Variants in SNX1 observed in about 807,000 individuals in gnomAD.
SNX1 encodes sorting nexin 1.
In SNX1, 36 loss-of-function variants were observed where a neutral mutation model predicts 71.8. The ratio of observed to expected loss-of-function variants is 0.50; its 90% CI spans 0.38 to 0.66. The LOEUF is 0.66. Among genes scored for constraint, SNX1 ranks in the 30% least tolerant of loss-of-function variants. The pLI is 0.00. For missense variants in SNX1, 612 were observed against 646.7 expected (o/e 0.95, Z 0.58); for synonymous variants, 254 against 240.7 (o/e 1.06, Z -0.51).
chr15:64,117,660 T>C (rs575086303), intron 2 of SNX1, among the ~76,000 whole-genome samples: 1 of 152,154 alleles, frequency 6.6e-6, no homozygotes, highest in African/African-American at 2.4e-5. Flanking sequence ...GCTGTGGTGG[T>C]ATGCACCTGT....
chr15:64,110,724 G>A (rs991171733), intron 1 of SNX1, among the ~76,000 whole-genome samples: 6 of 152,162 alleles, frequency 3.9e-5, no homozygotes, highest in Non-Finnish European at 7.4e-5. Flanking sequence ...TTTGAAAAAA[G>A]TTAGGTGGAG....
Position 64,124,537 on chromosome 15 carries a change from T to G in SNX1, c.510+991T>G, listed in dbSNP as rs2081230845. On this transcript the variant is annotated intron_variant, in intron 5 of 14. Transcript: ENST00000559844. ...AAAAAAAAAAAAAATAGTATCATGC[T>G]GATAATTGTGCTTGCTTTATTTAGC... 2.0e-5 allele frequency among the ~76,000 whole-genome samples: 3 copies of G among 151,754 alleles called. 1 individual carries two copies. In the South Asian group the frequency reaches 6.2e-4, roughly 32 times the overall value.
At chr15:64,098,462 G>A (rs544008736) in intron 1 of SNX1, among the ~76,000 whole-genome samples, 28 of 152,328 alleles carry the variant, frequency 1.8e-4, no homozygotes, top group Admixed American at 1.8e-3. Context: ...GGGAGGCCAA[G>A]GCAAGAGGAT....
chr15:64,123,088 T>G (rs1217644868), intron 4 of SNX1, among the ~76,000 whole-genome samples: 2 of 152,192 alleles, frequency 1.3e-5, no homozygotes, highest in African/African-American at 4.8e-5. Context: ...TCCTTTTATA[T>G]CAGTTGCTTC....
intron 2 of SNX1, among the ~76,000 whole-genome samples, chr15:64,115,012 A>T (rs2081114346): frequency 6.6e-6 from 1 of 152,168 alleles, no homozygotes; most frequent in Admixed American, 6.5e-5. Context: ...AGGAGAAGTG[A>T]TATGAAGGCA....
At chr15:64,116,452 C>G (rs886955716) in intron 2 of SNX1, among the ~76,000 whole-genome samples, 4 of 152,202 alleles carry the variant, frequency 2.6e-5, no homozygotes, top group African/African-American at 9.6e-5. Context: ...TACCACCTTT[C>G]TCACTTTCCT....
intron 1 of SNX1, among the ~76,000 whole-genome samples, chr15:64,112,353 A>T (rs2081085461): frequency 6.6e-6 from 1 of 152,222 alleles, no homozygotes; most frequent in Non-Finnish European, 1.5e-5. Flanking sequence ...GGGGTAGGGC[A>T]TTTGAGCGAG....
At chr15:64,123,032 AAG>A (rs542358270) in intron 4 of SNX1, among the ~76,000 whole-genome samples, 4 of 152,230 alleles carry the variant, frequency 2.6e-5, no homozygotes, top group Admixed American at 6.5e-5. Flanking sequence ...ATATTTCTGA[AAG>A]AGCAAATCGA....
rs992519384 is a variant in SNX1, at chr15:64,118,261, T to C, written c.399+17T>C. 3.1e-6 allele frequency: 5 copies of C among 1,603,298 alleles called. No individual in the cohort carries two copies. The African/African-American group carries it at 6.8e-5, about 22-fold the overall frequency. On this transcript the variant is annotated intron_variant, in intron 3 of 14. Coordinates refer to ENST00000559844, the MANE Select transcript of SNX1 (RefSeq NM_003099.5). Reference sequence around the variant, plus strand: ...TATGAGGAGGTGAGGATCTGTGCTCTTGGTCTTATCGCTTTTAGATATTGA... The same window carrying C: ...TATGAGGAGGTGAGGATCTGTGCTCCTGGTCTTATCGCTTTTAGATATTGA...
At chr15:64,107,965 G>A (rs528663938) in intron 1 of SNX1, among the ~76,000 whole-genome samples, 53 of 152,220 alleles carry the variant, frequency 3.5e-4, no homozygotes, top group African/African-American at 1.2e-3. Context: ...AAGCCGAGGT[G>A]GGTAGATCAG....
chr15:64,121,939 G>T (rs1418009325), intron 4 of SNX1, among the ~76,000 whole-genome samples: 1 of 152,100 alleles, frequency 6.6e-6, no homozygotes, highest in Non-Finnish European at 1.5e-5. Context: ...GCTTTTTAGA[G>T]CCTTGGTAAT....
intron 1 of SNX1, among the ~76,000 whole-genome samples, chr15:64,105,888 A>T (rs1309139469): frequency 6.6e-6 from 1 of 152,170 alleles, no homozygotes; most frequent in Non-Finnish European, 1.5e-5. Flanking sequence ...TGTATCTCAG[A>T]AGTTCTTTAC....
chr15:64,116,521 C>T (rs1371844773), intron 2 of SNX1, among the ~76,000 whole-genome samples: 3 of 152,166 alleles, frequency 2.0e-5, no homozygotes, highest in Admixed American at 6.5e-5. Flanking sequence ...ACTTGATTCA[C>T]ATTTAGTGAT....
intron 13 of SNX1, 113 bp downstream of exon 13, chr15:64,136,523 C>A: frequency 1.1e-6 from 1 of 924,690 alleles, no homozygotes; most frequent in Non-Finnish European, 1.8e-6. Context: ...CTTGGCAGTT[C>A]TCGTGAGCAG....
intron 4 of SNX1, among the ~76,000 whole-genome samples, chr15:64,119,753 CAA>C (rs1433877510): frequency 4.0e-5 from 6 of 149,486 alleles, no homozygotes; most frequent in African/African-American, 4.9e-5. Flanking sequence ...CACACACACA[CAA>C]AAAACATTAT....
In SNX1 at chr15:64,118,159, A is replaced by G; in HGVS notation, c.314A>G (p.Gln105Arg). The change falls in exon 3 of 15, where the codon CAG becomes CGG. Residue 105 changes from glutamine (Q) to arginine (R), a missense_variant. Gln to Arg is a conservative substitution (Grantham distance 43). Around this residue, in one of 2 missense-constraint regions of SNX1, gnomAD observed 316 missense variants for 284.9 expected, o/e 1.11. Coordinates refer to ENST00000559844, the MANE Select transcript of SNX1 (RefSeq NM_003099.5). ...ELSLDSTQNN[Q>R]KKVLAKTLIS... ...TCCTTGGACAGCACACAAAATAATC[A>G]GAAGAAGGTGCTAGCCAAAACACTC... 3 of 1,612,104 alleles carry G rather than the reference A, an allele frequency of 1.9e-6. No individual in the cohort carries two copies. The highest frequency in any genetic ancestry group is 1.7e-6 in the Non-Finnish European group (2 of 1,179,548).
chr15:64,100,932 G>A (rs550041718), intron 1 of SNX1, among the ~76,000 whole-genome samples: 2 of 152,236 alleles, frequency 1.3e-5, no homozygotes, highest in South Asian at 4.1e-4. Context: ...AGCCTCCTGC[G>A]TAGCATGTGC....
chr15:64,121,142 A>G (rs115343966), intron 4 of SNX1, among the ~76,000 whole-genome samples: 1 of 152,250 alleles, frequency 6.6e-6, no homozygotes, highest in East Asian at 1.9e-4. Flanking sequence ...GTGGAATAAG[A>G]TGAATGAATG....
chr15:64,135,546 A>G (rs1038900620), intron 12 of SNX1, among the ~76,000 whole-genome samples: 1 of 151,322 alleles, frequency 6.6e-6, no homozygotes, highest in Non-Finnish European at 1.5e-5. Flanking sequence ...TCACGAGGTC[A>G]AGAGATTGAG....
Sources: gnomAD v4.1 joint callset for allele counts (sites outside exome capture counted in the v4.1 genomes callset) on GRCh38, gnomAD v4.1.1 for gene constraint, gnomAD v4.1.1 regional missense constraint, MANE v1.5 for transcripts, NCBI Gene and HGNC (gene_info 2026-07-23, HGNC 2026-07-21) for gene names.